Variants in GABRR3 observed in about 807,000 individuals in gnomAD.
GABRR3 encodes the protein gamma-aminobutyric acid receptor subunit rho-3.
GABRR3 carries 29 observed loss-of-function variants against 43.2 expected under a neutral mutation model. The observed-to-expected ratio is 0.67, with a 90% CI of 0.50 to 0.92. GABRR3 has a LOEUF of 0.92. Ranked by LOEUF, GABRR3 falls within the 40% of genes least tolerant of loss-of-function variation. The pLI is 0.00. For synonymous variants in GABRR3, 206 were observed against 195.9 expected (o/e 1.05, Z -0.43); for missense variants, 576 against 572.3 (o/e 1.01, Z -0.07).
At chr3:98,015,804 C>G (rs927279557) in intron 4 of GABRR3, among the ~76,000 whole-genome samples, 1 of 152,142 alleles carries the variant, frequency 6.6e-6, no homozygotes, top group Non-Finnish European at 1.5e-5. Context: ...GATGTTTGTT[C>G]CCTCCAAATG....
chr3:98,030,106 C>T (rs1004166698), intron 2 of GABRR3, among the ~76,000 whole-genome samples: 2 of 114,914 alleles, frequency 1.7e-5, no homozygotes, highest in African/African-American at 6.0e-5. Flanking sequence ...CAGAGTGAGA[C>T]TGTCTTGGAA....
At chr3:97,993,000 G>A in exon 9 of GABRR3, 1 of 1,612,890 alleles carries the variant, frequency 6.2e-7, no homozygotes, top group African/African-American at 1.3e-5. Flanking sequence ...GGGCATGGAG[G>A]CGCTCACAGC....
chr3:98,015,965 G>T (rs1017945500), intron 4 of GABRR3, among the ~76,000 whole-genome samples: 1 of 152,148 alleles, frequency 6.6e-6, no homozygotes, highest in Non-Finnish European at 1.5e-5. Context: ...TGGCTGGGGA[G>T]GCCTCACGAA....
At chr3:97,993,833 C>CT (rs1706503034) in intron 8 of GABRR3, among the ~76,000 whole-genome samples, 1 of 150,960 alleles carries the variant, frequency 6.6e-6, no homozygotes, top group South Asian at 2.1e-4. Context: ...TCCCCTCTTC[C>CT]TTTTACTTCT....
intron 8 of GABRR3, among the ~76,000 whole-genome samples, chr3:97,993,914 T>C (rs1168635514): frequency 6.6e-6 from 1 of 152,176 alleles, no homozygotes; most frequent in East Asian, 1.9e-4. Context: ...ACGAAGTGAC[T>C]CTGAGATCTC....
At chr3:97,987,614 G>T (rs1047985052) in intron 9 of GABRR3, among the ~76,000 whole-genome samples, 2 of 152,148 alleles carry the variant, frequency 1.3e-5, no homozygotes, top group Non-Finnish European at 2.9e-5. Context: ...CAGAATAAAT[G>T]CTGCCAAAAC....
chr3:98,028,551 T>G (rs1707049253), intron 2 of GABRR3, among the ~76,000 whole-genome samples: 1 of 152,190 alleles, frequency 6.6e-6, no homozygotes, highest in Admixed American at 6.5e-5. Flanking sequence ...AATGATCTCT[T>G]TGTACCCAGG....
At chr3:98,030,548 G>C (rs1707074720) in intron 2 of GABRR3, among the ~76,000 whole-genome samples, 1 of 152,094 alleles carries the variant, frequency 6.6e-6, no homozygotes, top group South Asian at 2.1e-4. Context: ...AAAAACAAAA[G>C]CATAACTGGA....
chr3:97,990,011 C>G (rs1268597081), intron 9 of GABRR3, among the ~76,000 whole-genome samples: 1 of 152,150 alleles, frequency 6.6e-6, no homozygotes, highest in African/African-American at 2.4e-5. Context: ...CCCCCAAACC[C>G]ACAGACATTT....
Position 97,992,964 on chromosome 3 carries a change from TC to T in GABRR3, c.991del (p.Asp331MetfsTer21), listed in dbSNP as rs748153780. On this transcript the variant is annotated frameshift_variant, in exon 9 of 10. Transcript: ENST00000621172. LOFTEE classifies it high-confidence loss of function. The stretch of plus-strand genomic sequence containing the variant: ...GAGGGAGCTGACCCACAGGTACACA[TC>T]CACAGCCTTGAGGTAGGACACCTGG... 2.6e-5 allele frequency: 42 copies of T among 1,613,624 alleles called. No individual in the cohort carries two copies. In the East Asian group the frequency reaches 8.7e-4, roughly 33 times the overall value.
chr3:97,996,488 TTC>T (rs1491014393), intron 8 of GABRR3, among the ~76,000 whole-genome samples: 2 of 152,192 alleles, frequency 1.3e-5, no homozygotes, highest in Non-Finnish European at 2.9e-5. Flanking sequence ...AGATGATTTT[TTC>T]TCTGAGAGTG....
intron 2 of GABRR3, among the ~76,000 whole-genome samples, chr3:98,030,207 A>G (rs944737019): frequency 2.0e-5 from 3 of 152,108 alleles, no homozygotes; most frequent in Non-Finnish European, 4.4e-5. Context: ...CATCTCAAGA[A>G]CTATAAAAAT....
chr3:98,013,990 C>T (rs934470692), intron 4 of GABRR3, among the ~76,000 whole-genome samples: 2 of 151,960 alleles, frequency 1.3e-5, no homozygotes, highest in East Asian at 3.9e-4. Context: ...GAGGGTGAGA[C>T]AAATCTTAAA....
At chr3:97,987,156 A>G (rs1706398687) in intron 9 of GABRR3, 174 bp from the exon 10 acceptor site, 2 of 162,154 alleles carry the variant, frequency 1.2e-5, no homozygotes, top group South Asian at 4.0e-4. Context: ...TATCCTCCGT[A>G]TATATGTATT....
intron 2 of GABRR3, among the ~76,000 whole-genome samples, chr3:98,026,061 A>G (rs1344557596): frequency 6.6e-6 from 1 of 152,222 alleles, no homozygotes; most frequent in Non-Finnish European, 1.5e-5. Flanking sequence ...AGGGCCTAGT[A>G]ATCTGCACCT....
At chr3:97,991,745 G>T (rs1293915730) in intron 9 of GABRR3, among the ~76,000 whole-genome samples, 2 of 152,154 alleles carry the variant, frequency 1.3e-5, no homozygotes, top group Non-Finnish European at 2.9e-5. Context: ...TGACAGGAAG[G>T]TTCGGTGTGA....
intron 3 of GABRR3, 106 bp from the exon 4 acceptor site, chr3:98,017,828 T>C: frequency 1.3e-6 from 1 of 745,970 alleles, no homozygotes; most frequent in Non-Finnish European, 2.1e-6. Flanking sequence ...GAATTACTGT[T>C]AAAGTTTTTT....
intron 8 of GABRR3, among the ~76,000 whole-genome samples, chr3:97,996,610 A>G (rs561502021): frequency 6.6e-5 from 10 of 152,280 alleles, no homozygotes; most frequent in African/African-American, 2.2e-4. Context: ...ATGTAGAGGG[A>G]TCAAGCAAGA....
chr3:98,006,430 G>A (rs1282540157), intron 7 of GABRR3, among the ~76,000 whole-genome samples: 4 of 152,078 alleles, frequency 2.6e-5, no homozygotes, highest in African/African-American at 7.2e-5. Context: ...ATTTCTTCTG[G>A]GTCTAAATAG....
Sources: allele counts gnomAD v4.1 joint callset (sites outside exome capture counted in the v4.1 genomes callset), GRCh38; gene constraint gnomAD v4.1.1; transcripts MANE v1.5; gene names NCBI Gene and HGNC (gene_info 2026-07-23, HGNC 2026-07-21).